POLN: variants seen among roughly 807,000 people sequenced by gnomAD.
The protein encoded by POLN is DNA polymerase N.
Under a neutral mutation model 113.5 loss-of-function variants are expected in POLN, and 108 were observed. The ratio of observed to expected loss-of-function variants is 0.95; its 90% CI spans 0.81 to 1.12. The LOEUF is 1.12. Ranked by LOEUF, POLN falls within the 50% of genes most tolerant of loss-of-function variation. The probability of loss-of-function intolerance (pLI) is 0.00; values close to 1 mark genes in which losing one functional copy is unlikely to be tolerated. For missense variants in POLN, 1,097 were observed against 1,077.1 expected (o/e 1.02, Z -0.26); for synonymous variants, 386 against 391.5 (o/e 0.99, Z 0.17).
chr4:2,237,267 C>CA (rs1343484450), intron 2 of POLN, among the ~76,000 whole-genome samples: 3 of 138,130 alleles, frequency 2.2e-5, no homozygotes, highest in Non-Finnish European at 4.5e-5. Flanking sequence ...CCCATCTCTA[C>CA]AAATTTTTTT....
intron 16 of POLN, among the ~76,000 whole-genome samples, chr4:2,153,493 T>C (rs1018418833): frequency 1.3e-5 from 2 of 152,210 alleles, no homozygotes; most frequent in Non-Finnish European, 2.9e-5. Context: ...AAGATGGCTA[T>C]TGCGGGGATA....
intron 15 of POLN, 136 bp downstream of exon 15, chr4:2,157,722 C>CAAAAAA (rs71644319): frequency 2.2e-5 from 3 of 134,688 alleles, no homozygotes; most frequent in East Asian, 2.3e-4. Flanking sequence ...GACTCTGTCT[C>CAAAAAA]AAAAAAAAAA....
intron 19 of POLN, among the ~76,000 whole-genome samples, chr4:2,100,269 G>GT (rs1730892554): frequency 6.6e-6 from 1 of 151,906 alleles, no homozygotes; most frequent in Non-Finnish European, 1.5e-5. Context: ...TAAATTTTTT[G>GT]TAACCAATGA....
At chr4:2,191,703 G>A (rs529074594) in intron 7 of POLN, among the ~76,000 whole-genome samples, 2 of 152,238 alleles carry the variant, frequency 1.3e-5, no homozygotes, top group South Asian at 4.1e-4. Context: ...AGAGATGATG[G>A]TGTTGTCTTA....
Position 2,075,432 on chromosome 4 carries a change from C to A in POLN, c.2455+20G>T, listed in dbSNP as rs372841495. On this transcript the variant is annotated intron_variant, in intron 24 of 25. Transcript: ENST00000511885. The stretch of plus-strand genomic sequence containing the variant: ...TAGCTGTCTGTGATGTCCAAGCAAC[C>A]CTGTGTTGCCCCAGGCTACCTGCAC... The A allele has an allele frequency of 1.2e-6, 2 of 1,612,936 alleles. No homozygotes were observed. Among genetic ancestry groups the A allele is most frequent in the East Asian group, 2.2e-5 (1 of 44,880 alleles).
At chr4:2,100,786 G>A (rs1442917934) in intron 19 of POLN, among the ~76,000 whole-genome samples, 1 of 152,206 alleles carries the variant, frequency 6.6e-6, no homozygotes, top group East Asian at 1.9e-4. Context: ...ACAGGCTGTA[G>A]TATATTTTAA....
At chr4:2,138,366 G>A (rs1164083442) in intron 16 of POLN, among the ~76,000 whole-genome samples, 1 of 152,220 alleles carries the variant, frequency 6.6e-6, no homozygotes, top group Non-Finnish European at 1.5e-5. Context: ...TTGGAGCTGT[G>A]GAGCTGGGCT....
chr4:2,170,653 G>C (rs746646004), intron 13 of POLN, 26 bp downstream of exon 13: 1 of 1,590,092 alleles, frequency 6.3e-7, no homozygotes, highest in Admixed American at 1.7e-5. Flanking sequence ...ATTCTAAAAA[G>C]AAAAAGGATA....
chr4:2,236,422 T>C, intron 2 of POLN: 1 of 1,613,236 alleles, frequency 6.2e-7, no homozygotes, highest in Non-Finnish European at 8.5e-7. Flanking sequence ...AACAATTCTT[T>C]TTTCTTATTC....
intron 2 of POLN, chr4:2,240,201 C>T (rs199607922): frequency 3.7e-6 from 6 of 1,614,058 alleles, no homozygotes; most frequent in Non-Finnish European, 5.1e-6. Context: ...TTGATTATCA[C>T]AAATAGATGG....
intron 3 of POLN, among the ~76,000 whole-genome samples, chr4:2,214,952 G>C (rs1734077579): frequency 6.6e-6 from 1 of 150,492 alleles, no homozygotes; most frequent in South Asian, 2.1e-4. Flanking sequence ...ATATATATAT[G>C]AGAGACAGAG....
At chr4:2,189,732 C>T (rs991241715) in intron 7 of POLN, among the ~76,000 whole-genome samples, 4 of 149,496 alleles carry the variant, frequency 2.7e-5, no homozygotes. Context: ...ACATTCTTCA[C>T]AGAAATAGGA....
chr4:2,073,211 C>T (rs1473221752), intron 24 of POLN, among the ~76,000 whole-genome samples, 182 bp from the exon 25 acceptor site: 1 of 152,142 alleles, frequency 6.6e-6, no homozygotes, highest in Non-Finnish European at 1.5e-5. Context: ...CCCCTGAGTG[C>T]CCAGCCCCTG....
chr4:2,152,774 CCTGT>C (rs1732327150), intron 16 of POLN, among the ~76,000 whole-genome samples: 4 of 152,094 alleles, frequency 2.6e-5, no homozygotes, highest in African/African-American at 9.7e-5. Context: ...CTGAGGACAG[CCTGT>C]CTAAGATGAC....
At chr4:2,210,630 T>TAAAAAA (rs550506550) in intron 4 of POLN, among the ~76,000 whole-genome samples, 19 of 88,604 alleles carry the variant, frequency 2.1e-4, no homozygotes, top group African/African-American at 1.1e-3. Flanking sequence ...ATAATAATAA[T>TAAAAAA]AAAAAAAAGA....
chr4:2,075,390 G>T, intron 24 of POLN, 62 bp downstream of exon 24: 1 of 1,552,634 alleles, frequency 6.4e-7, no homozygotes, highest in South Asian at 1.1e-5. Flanking sequence ...GTGCCCATGG[G>T]GCATGGAGCC....
intron 3 of POLN, among the ~76,000 whole-genome samples, chr4:2,223,583 T>C (rs1210335110): frequency 1.3e-5 from 2 of 152,150 alleles, no homozygotes; most frequent in African/African-American, 2.4e-5. Context: ...ACTGCTGTCA[T>C]ATAGTGAACT....
At chr4:2,204,327 A>T (rs571509940) in intron 5 of POLN, among the ~76,000 whole-genome samples, 2 of 152,146 alleles carry the variant, frequency 1.3e-5, no homozygotes, top group South Asian at 4.1e-4. Flanking sequence ...ACACACATAA[A>T]CTCGAAAACC....
At chr4:2,123,274 G>T (rs1286158815) in intron 19 of POLN, among the ~76,000 whole-genome samples, 1 of 151,826 alleles carries the variant, frequency 6.6e-6, no homozygotes, top group African/African-American at 2.4e-5. Context: ...AGGTTGCTTT[G>T]TAATCAGGAA....
Sources: allele counts gnomAD v4.1 joint callset (sites outside exome capture counted in the v4.1 genomes callset), GRCh38; gene constraint gnomAD v4.1.1; transcripts MANE v1.5; gene names NCBI Gene and HGNC (gene_info 2026-07-23, HGNC 2026-07-21).